The following APP variants were observed in gnomAD, a reference collection of about 807,000 sequenced individuals.
APP encodes the protein amyloid beta precursor protein.
A neutral mutation model predicts 101.4 loss-of-function variants in APP; 31 were observed. The observed-to-expected ratio is 0.31, with a 90% confidence interval of 0.23 to 0.41. The LOEUF (loss-of-function observed/expected upper bound fraction) is 0.41, where lower values mean the gene tolerates loss of function less well. APP is among the 10% of genes least tolerant of loss of function. APP has a pLI of 1.00. For synonymous variants in APP, 366 were observed against 364.4 expected, an observed-to-expected ratio of 1.00 and a Z score of -0.05; for missense variants, 839 against 1,003.7, an observed-to-expected ratio of 0.84 and a Z score of 2.22.
rs1475386817 is a variant in APP at position 25,975,248 on chromosome 21, T to C, written c.1300-20A>G. On this transcript the variant is annotated intron_variant, in intron 10 of 17. Transcript: ENST00000346798. ...GAAATGCTGCCATCATAAACACATA[T>C]GTCCATGGGGACTGAATAAGTAGGA... 2 of 1,614,166 alleles carry C rather than the reference T, an allele frequency of 1.2e-6. No homozygotes were observed. Among genetic ancestry groups the C allele is most frequent in the Admixed American group, 1.7e-5 (1 of 60,024 alleles).
chr21:26,155,964 G>A (rs1437234358), intron 1 of APP, among the ~76,000 whole-genome samples: 4 of 143,358 alleles, frequency 2.8e-5, no homozygotes, highest in Non-Finnish European at 6.0e-5. Flanking sequence ...CCGTGCCACT[G>A]CACTCCAGCC....
chr21:25,950,857 T>C (rs1251541078), intron 13 of APP, among the ~76,000 whole-genome samples: 1 of 152,018 alleles, frequency 6.6e-6, no homozygotes, highest in African/African-American at 2.4e-5. Context: ...TTGCAACTAA[T>C]AAGAAATAAT....
intron 13 of APP, among the ~76,000 whole-genome samples, chr21:25,946,368 C>T (rs45493901): frequency 6.6e-6 from 1 of 152,216 alleles, no homozygotes; most frequent in African/African-American, 2.4e-5. Context: ...ATTCTTACAA[C>T]TCAATAATAA....
chr21:25,989,335 A>G (rs565633443), intron 8 of APP, among the ~76,000 whole-genome samples: 13 of 152,326 alleles, frequency 8.5e-5, no homozygotes, highest in Non-Finnish European at 1.9e-4. Flanking sequence ...TCCATTTCAT[A>G]TTCATACTAA....
chr21:26,003,237 A>T (rs1448452858), intron 6 of APP, among the ~76,000 whole-genome samples: 1 of 152,252 alleles, frequency 6.6e-6, no homozygotes, highest in Non-Finnish European at 1.5e-5. Context: ...ATCCATTTAC[A>T]TGTTAATTAA....
intron 5 of APP, among the ~76,000 whole-genome samples, chr21:26,029,103 G>A (rs2146812782): frequency 6.6e-6 from 1 of 152,226 alleles, no homozygotes. Context: ...ACAACAAAGG[G>A]CCAGTGAGCT....
At chr21:25,929,301 G>A (rs2040040395) in intron 13 of APP, among the ~76,000 whole-genome samples, 1 of 151,972 alleles carries the variant, frequency 6.6e-6, no homozygotes. Flanking sequence ...CTAATTATAA[G>A]AGTAACATAA....
chr21:26,140,434 A>G, intron 1 of APP: 5 of 1,227,286 alleles, frequency 4.1e-6, no homozygotes, highest in Non-Finnish European at 5.4e-6. Context: ...TAAGCTAACA[A>G]TGGACAACCA....
intron 1 of APP, among the ~76,000 whole-genome samples, chr21:26,147,156 TATAATAATTGTA>T (rs1439487229): frequency 6.6e-6 from 1 of 152,218 alleles, no homozygotes; most frequent in Non-Finnish European, 1.5e-5. Context: ...AGATGACTTT[TATAATAATTGTA>T]TTAATTTTCC....
At chr21:26,044,761 A>T (rs2045531144) in intron 5 of APP, among the ~76,000 whole-genome samples, 1 of 151,988 alleles carries the variant, frequency 6.6e-6, no homozygotes, top group South Asian at 2.1e-4. Flanking sequence ...CTGGTCTCGA[A>T]CTCCCAACCT....
At position 26,070,651 on chromosome 21, in the gene APP, C is replaced by A. The variant is rs545164209; in HGVS notation, c.356-17303G>T. ...ACGGATTTTAAGAAAAAAAGAGATA[C>A]TCAAATCTATCTATAGATAACCAAA... On this transcript the variant is annotated intron_variant, in intron 3 of 17. Transcript: ENST00000346798. 2.0e-5 allele frequency among the ~76,000 whole-genome samples: 3 copies of A among 152,238 alleles called. No homozygotes were observed. The South Asian group carries it at 6.2e-4, about 32-fold the overall frequency.
At chr21:25,884,062 A>G (rs1390075251) in intron 17 of APP, among the ~76,000 whole-genome samples, 2 of 152,174 alleles carry the variant, frequency 1.3e-5, no homozygotes, top group Non-Finnish European at 2.9e-5. Flanking sequence ...TATTTTTAGT[A>G]GAGATGGGGT....
In APP at chr21:25,881,234, G is replaced by A. The variant is rs573263845; in HGVS notation, c.*436C>T. The A allele has an allele frequency of 4.2e-6, 1 of 237,590 alleles. No individual in the cohort carries two copies. The highest frequency in any genetic ancestry group is 8.4e-6 in the Non-Finnish European group (1 of 119,264). The allele number at this position is 237,590 out of a possible 1,614,324, so 14.7% of individuals were successfully genotyped here. A position where few individuals can be genotyped will look rare whatever the true frequency, so the allele number is the denominator to read the frequency against. On this transcript the variant is annotated 3_prime_UTR_variant, in exon 18 of 18. Transcript: ENST00000346798. ...ATAGTGATCAGGAAAGGAATACTTA[G>A]GCAAGAGAAGCAGCTGAACTCCCAC...
chr21:25,986,047 G>A (rs574441250), intron 8 of APP, among the ~76,000 whole-genome samples: 95 of 152,248 alleles, frequency 6.2e-4, no homozygotes, highest in Admixed American at 2.4e-3. Flanking sequence ...CTTCTATTTC[G>A]TGAATATCCT....
At chr21:25,963,262 G>A (rs1194411240) in intron 11 of APP, among the ~76,000 whole-genome samples, 2 of 152,188 alleles carry the variant, frequency 1.3e-5, no homozygotes, top group Non-Finnish European at 2.9e-5. Context: ...TGCCAGTCAC[G>A]TCTGAATATG....
At chr21:26,121,443 A>G (rs1202447461) in intron 1 of APP, among the ~76,000 whole-genome samples, 2 of 151,810 alleles carry the variant, frequency 1.3e-5, no homozygotes, top group African/African-American at 4.8e-5. Flanking sequence ...GCTGGAGTGC[A>G]GTAGCGTGAT....
chr21:26,003,353 G>T (rs1271182426), intron 6 of APP, among the ~76,000 whole-genome samples: 1 of 152,216 alleles, frequency 6.6e-6, no homozygotes, highest in Non-Finnish European at 1.5e-5. Context: ...GAGTGAGTTA[G>T]TCCCTATTCG....
At chr21:25,882,751 T>C (rs538755066) in intron 17 of APP, among the ~76,000 whole-genome samples, 6 of 152,232 alleles carry the variant, frequency 3.9e-5, no homozygotes, top group Admixed American at 1.3e-4. Context: ...AGAGAATAAA[T>C]AGAAAGTCAT....
chr21:26,133,411 A>G (rs188189207), intron 1 of APP, among the ~76,000 whole-genome samples: 3 of 152,334 alleles, frequency 2.0e-5, no homozygotes, highest in African/African-American at 7.2e-5. Context: ...AATTATTCAC[A>G]ATTACTAGGA....
Sources: allele counts gnomAD v4.1 joint callset (sites outside exome capture counted in the v4.1 genomes callset), GRCh38; gene constraint gnomAD v4.1.1; transcripts MANE v1.5; gene names NCBI Gene and HGNC (gene_info 2026-07-23, HGNC 2026-07-21).